RGS6: variants seen among roughly 807,000 people sequenced by gnomAD.
The protein encoded by RGS6 is regulator of G-protein signaling 6.
Under a neutral mutation model 78.5 loss-of-function variants are expected in RGS6, and 30 were observed. That is an observed-to-expected ratio of 0.38 (90% CI 0.29 to 0.52). The LOEUF (loss-of-function observed/expected upper bound fraction) is 0.52, where lower values mean the gene tolerates loss of function less well. Among genes scored for constraint, RGS6 ranks in the 20% least tolerant of loss-of-function variants. RGS6 has a pLI of 0.85. For synonymous variants in RGS6, 206 were observed against 206.0 expected (o/e 1.00, Z 0.00); for missense variants, 495 against 609.7 (o/e 0.81, Z 1.98).
intron 2 of RGS6, among the ~76,000 whole-genome samples, chr14:72,028,338 A>G (rs2090270853): frequency 6.6e-6 from 1 of 152,212 alleles, no homozygotes; most frequent in Non-Finnish European, 1.5e-5. Context: ...CTGAGTACCA[A>G]TTACATCCAG....
At chr14:71,965,692 T>A (rs11158921) in intron 2 of RGS6, among the ~76,000 whole-genome samples, 29,073 of 152,128 alleles carry the variant, frequency 0.19, 2,926 homozygotes, top group African/African-American at 0.25. Context: ...GATTGAGATC[T>A]CTTTGGGATT....
At chr14:72,614,129 G>A in the RGS6 span, among the ~76,000 whole-genome samples, 14 of 152,128 alleles carry the variant, frequency 9.2e-5, no homozygotes, top group East Asian at 1.4e-3. Context: ...GCTGGTGGCC[G>A]TGGCCTCTGG....
chr14:72,085,517 C>A (rs949134724), intron 2 of RGS6, among the ~76,000 whole-genome samples: 3 of 152,082 alleles, frequency 2.0e-5, no homozygotes, highest in Non-Finnish European at 4.4e-5. Flanking sequence ...CAGCTTACTT[C>A]CAAGAGTGTA....
intron 2 of RGS6, among the ~76,000 whole-genome samples, chr14:71,994,580 C>T (rs1041656162): frequency 8.5e-5 from 13 of 152,048 alleles, no homozygotes; most frequent in Admixed American, 7.9e-4. Context: ...TGTCTTTGAA[C>T]GTACTTTGAA....
Position 72,536,233 on chromosome 14 carries a change from C to A in RGS6, c.1326C>A (p.Leu442=). ...AGAGTGACAGCTATGCCCGCTTCCT[C>A]CGGTCAAATGCTTACCAGGATTTGC... ...LMKSDSYARF[L]RSNAYQDLLL... Residue 442 remains leucine, a synonymous_variant, in exon 16 of 18, where the codon CTC becomes CTA. Coordinates refer to ENST00000553525, the MANE Select transcript of RGS6 (RefSeq NM_001204424.2). 6.2e-7 allele frequency: 1 copy of A among 1,614,024 alleles called. No homozygotes were observed. The highest frequency in any genetic ancestry group is 8.5e-7 in the Non-Finnish European group (1 of 1,179,934).
At chr14:72,415,526 G>A (rs144419998) in intron 3 of RGS6, among the ~76,000 whole-genome samples, 6,509 of 152,282 alleles carry the variant, frequency 0.043, 295 homozygotes, top group African/African-American at 0.11. Flanking sequence ...GCTCACGCAC[G>A]GTGCGCTGCA....
chr14:72,601,557 T>C, the RGS6 span, among the ~76,000 whole-genome samples: 1 of 152,228 alleles, frequency 6.6e-6, no homozygotes, highest in African/African-American at 2.4e-5. Flanking sequence ...AATAACGTAT[T>C]GTGTATTTCA....
chr14:72,216,077 T>C (rs150097306), intron 2 of RGS6, among the ~76,000 whole-genome samples: 3 of 152,328 alleles, frequency 2.0e-5, no homozygotes, highest in East Asian at 3.9e-4. Context: ...GTCCACTCTA[T>C]CATCTAAAGA....
intron 2 of RGS6, among the ~76,000 whole-genome samples, chr14:72,203,087 G>A (rs2041936490): frequency 6.6e-6 from 1 of 152,046 alleles, no homozygotes; most frequent in African/African-American, 2.4e-5. Context: ...GTGTTAGCCA[G>A]GATGGTCTCG....
chr14:72,290,634 A>T (rs1424044217), intron 2 of RGS6, among the ~76,000 whole-genome samples: 1 of 152,192 alleles, frequency 6.6e-6, no homozygotes, highest in Admixed American at 6.5e-5. Context: ...GTTGCTGATA[A>T]GTCAGTGTGG....
intron 2 of RGS6, among the ~76,000 whole-genome samples, chr14:72,280,956 A>G (rs1187510417): frequency 6.6e-6 from 1 of 152,204 alleles, no homozygotes; most frequent in Non-Finnish European, 1.5e-5. Flanking sequence ...ACAGATGGTT[A>G]TGACTTTATA....
At chr14:72,103,302 A>G (rs1022089148) in intron 2 of RGS6, among the ~76,000 whole-genome samples, 1 of 152,184 alleles carries the variant, frequency 6.6e-6, no homozygotes, top group Admixed American at 6.5e-5. Context: ...CATGCACTGT[A>G]TTTAAGTATC....
At chr14:72,195,494 C>G (rs571019724) in intron 2 of RGS6, among the ~76,000 whole-genome samples, 8 of 152,104 alleles carry the variant, frequency 5.3e-5, no homozygotes, top group African/African-American at 1.9e-4. Context: ...GGGCCCAGGG[C>G]CAGGGGCTAC....
chr14:71,914,685 C>T, the RGS6 span, among the ~76,000 whole-genome samples: 7 of 151,960 alleles, frequency 4.6e-5, no homozygotes, highest in African/African-American at 1.7e-4. Flanking sequence ...CAACATTCCT[C>T]CCCCGACCCC....
Position 72,374,724 on chromosome 14 carries a change from A to T in RGS6, c.184+22530A>T, listed in dbSNP as rs144615591. On this transcript the variant is annotated intron_variant, in intron 3 of 17. Coordinates refer to ENST00000553525, the MANE Select transcript of RGS6 (RefSeq NM_001204424.2). The stretch of plus-strand genomic sequence containing the variant: ...AAATGGCAGAATCCAACACATAAAG[A>T]TTGCAGACATTGTAATTATATTCAG... Among the ~76,000 whole-genome samples, 15 of 152,364 alleles carry T rather than the reference A, an allele frequency of 9.8e-5. No homozygotes were observed. In the East Asian group the frequency reaches 1.7e-3, roughly 18 times the overall value.
At chr14:72,477,423 G>A (rs1337480461) in intron 11 of RGS6, among the ~76,000 whole-genome samples, 1 of 152,064 alleles carries the variant, frequency 6.6e-6, no homozygotes, top group African/African-American at 2.4e-5. Context: ...ACCCAAAGGA[G>A]TAAACTTTGA....
chr14:72,081,834 C>A (rs1466664598), intron 2 of RGS6, among the ~76,000 whole-genome samples: 3 of 152,014 alleles, frequency 2.0e-5, no homozygotes, highest in Admixed American at 1.3e-4. Context: ...AATATTATTA[C>A]CACACCTACT....
chr14:72,016,392 G>T (rs1301444124), intron 2 of RGS6, among the ~76,000 whole-genome samples: 1 of 152,122 alleles, frequency 6.6e-6, no homozygotes, highest in African/African-American at 2.4e-5. Context: ...TTGAAACGGA[G>T]TCTCGCACTG....
At chr14:72,382,501 T>C (rs1228735828) in intron 3 of RGS6, among the ~76,000 whole-genome samples, 2 of 152,216 alleles carry the variant, frequency 1.3e-5, no homozygotes, top group African/African-American at 4.8e-5. Flanking sequence ...GGTGGAAGTG[T>C]GCATTCGCAA....
Sources: gnomAD v4.1 joint callset for allele counts (sites outside exome capture counted in the v4.1 genomes callset) on GRCh38, gnomAD v4.1.1 for gene constraint, MANE v1.5 for transcripts, NCBI Gene and HGNC (gene_info 2026-07-23, HGNC 2026-07-21) for gene names.